Variants in CPNE4 observed in about 807,000 individuals in gnomAD.
CPNE4 encodes the protein copine 4, also known as copine-4.
CPNE4 carries 25 observed loss-of-function variants against 67.9 expected under a neutral mutation model. The ratio of observed to expected loss-of-function variants is 0.37; its 90% CI spans 0.27 to 0.51. The LOEUF (loss-of-function observed/expected upper bound fraction) is 0.51, where lower values mean the gene tolerates loss of function less well. Among genes scored for constraint, CPNE4 ranks in the 20% least tolerant of loss-of-function variants. The pLI is 0.93. For synonymous variants in CPNE4, 242 were observed against 244.9 expected (o/e 0.99, Z 0.11); for missense variants, 464 against 690.8 (o/e 0.67, Z 3.68).
intron 7 of CPNE4, among the ~76,000 whole-genome samples, chr3:131,664,055 C>T (rs11921084): frequency 0.02 from 2,987 of 152,234 alleles, 93 homozygotes; most frequent in African/African-American, 0.067. Flanking sequence ...GCTTGATGAA[C>T]TTTGTGTAGG....
At chr3:131,788,523 G>C (rs971241207) in intron 2 of CPNE4, among the ~76,000 whole-genome samples, 2 of 152,058 alleles carry the variant, frequency 1.3e-5, no homozygotes, top group East Asian at 3.9e-4. Context: ...CAAAGGTTGG[G>C]GAGATGGAAT....
At chr3:131,720,712 G>A (rs1332043926) in intron 3 of CPNE4, among the ~76,000 whole-genome samples, 1 of 152,178 alleles carries the variant, frequency 6.6e-6, no homozygotes, top group Non-Finnish European at 1.5e-5. Flanking sequence ...CCCCAGCAGA[G>A]TTAAGCTCCA....
At chr3:131,657,842 G>A (rs752742547) in intron 7 of CPNE4, among the ~76,000 whole-genome samples, 16 of 151,940 alleles carry the variant, frequency 1.1e-4, no homozygotes, top group Admixed American at 2.0e-4. Flanking sequence ...GGGATTACAG[G>A]CGTGAGATAC....
At chr3:131,856,722 T>A (rs1376818692) in intron 2 of CPNE4, among the ~76,000 whole-genome samples, 1 of 151,988 alleles carries the variant, frequency 6.6e-6, no homozygotes, top group Non-Finnish European at 1.5e-5. Flanking sequence ...TAAAAATTAT[T>A]AATATTTATT....
chr3:131,660,539 T>C (rs897375823), intron 7 of CPNE4, among the ~76,000 whole-genome samples: 1 of 152,216 alleles, frequency 6.6e-6, no homozygotes, highest in Admixed American at 6.6e-5. Context: ...TAGTGGCTAC[T>C]CTTTTGAAGA....
chr3:131,978,236 T>C (rs1211589303), intron 1 of CPNE4, among the ~76,000 whole-genome samples: 1 of 18,100 alleles, frequency 5.5e-5, no homozygotes, highest in Non-Finnish European at 7.9e-5. Context: ...TACATATTTA[T>C]ATATATTTAT....
At chr3:131,616,769 A>G (rs1940179243) in intron 7 of CPNE4, among the ~76,000 whole-genome samples, 1 of 152,230 alleles carries the variant, frequency 6.6e-6, no homozygotes, top group Admixed American at 6.5e-5. Context: ...ATAAAAATGC[A>G]AGGAATTAAA....
intron 2 of CPNE4, among the ~76,000 whole-genome samples, chr3:131,818,651 C>T (rs550065969): frequency 6.6e-6 from 1 of 152,258 alleles, no homozygotes; most frequent in African/African-American, 2.4e-5. Flanking sequence ...CTCTATCTTG[C>T]ATATTAAAGT....
chr3:131,580,647 A>G (rs1937767127), intron 9 of CPNE4, among the ~76,000 whole-genome samples: 1 of 152,106 alleles, frequency 6.6e-6, no homozygotes. Flanking sequence ...GAAAGTAGAC[A>G]TCTCAGGGTT....
chr3:131,864,046 T>C (rs1364656045), intron 2 of CPNE4, among the ~76,000 whole-genome samples: 1 of 152,098 alleles, frequency 6.6e-6, no homozygotes, highest in African/African-American at 2.4e-5. Flanking sequence ...GAGGGCTCTG[T>C]TCTGTTCCAT....
rs200380877 is a variant in CPNE4, at chr3:131,917,232, T to G, written c.-1-11788A>C. On this transcript the variant is annotated intron_variant, in intron 1 of 15. Transcript: ENST00000429747. The stretch of plus-strand genomic sequence containing the variant: ...CTTTATGTCCAATGTGTAATCATGT[T>G]TCTGCTAAAAGTTTCCAAGTGGGAT... 1.7e-4 allele frequency among the ~76,000 whole-genome samples: 26 copies of G among 152,344 alleles called. No individual in the cohort carries two copies. In the East Asian group the frequency reaches 3.9e-3, roughly 23 times the overall value.
chr3:131,676,717 CTT>C (rs962096838), intron 6 of CPNE4, among the ~76,000 whole-genome samples: 3 of 152,068 alleles, frequency 2.0e-5, no homozygotes, highest in Non-Finnish European at 2.9e-5. Flanking sequence ...TGATCTCATT[CTT>C]TTTTATGGCT....
At chr3:131,887,228 G>T (rs765181229) in intron 2 of CPNE4, among the ~76,000 whole-genome samples, 27 of 152,132 alleles carry the variant, frequency 1.8e-4, no homozygotes, top group Non-Finnish European at 3.2e-4. Context: ...TTTATCTAGG[G>T]TTTCTGCTTT....
At chr3:131,796,552 AT>A (rs1265784591) in intron 2 of CPNE4, among the ~76,000 whole-genome samples, 2 of 152,080 alleles carry the variant, frequency 1.3e-5, no homozygotes, top group Non-Finnish European at 2.9e-5. Context: ...AAATAAATAC[AT>A]TTTTTCTAAG....
chr3:131,626,433 G>C (rs868371510), intron 7 of CPNE4, among the ~76,000 whole-genome samples: 5 of 152,304 alleles, frequency 3.3e-5, no homozygotes, highest in Admixed American at 1.3e-4. Flanking sequence ...GAAAGTTTTA[G>C]TGGTTCGGAT....
In CPNE4 at chr3:131,555,527, C is replaced by T. The variant is rs1241609068; in HGVS notation, c.1086G>A (p.Gly362=). Residue 362 remains glycine, a synonymous_variant, in exon 12 of 16, where the codon GGG becomes GGA. Transcript: ENST00000429747. ...ACTCTGGAGGTATCCTGGCGCCAAACCCAAAGGCAGGGAACATTTTGTCAC... is the reference window on the plus strand; with the variant it reads ...ACTCTGGAGGTATCCTGGCGCCAAATCCAAAGGCAGGGAACATTTTGTCAC... The part of the protein sequence containing the change: ...YDSDKMFPAF[G]FGARIPPEYT... 5 of 1,612,668 alleles carry T rather than the reference C, an allele frequency of 3.1e-6. No individual in the cohort carries two copies. In the Middle Eastern group the frequency reaches 5.0e-4, roughly 160 times the overall value.
chr3:131,565,464 AG>A (rs1300755360), intron 10 of CPNE4, among the ~76,000 whole-genome samples: 1 of 152,010 alleles, frequency 6.6e-6, no homozygotes, highest in Non-Finnish European at 1.5e-5. Flanking sequence ...GGTTCTAGGA[AG>A]GTGCAACATT....
At chr3:131,885,581 T>G (rs935900902) in intron 2 of CPNE4, among the ~76,000 whole-genome samples, 1 of 152,214 alleles carries the variant, frequency 6.6e-6, no homozygotes, top group East Asian at 1.9e-4. Context: ...AGGGTACATG[T>G]GCACATTGTG....
chr3:131,892,025 T>A (rs2088138199), intron 2 of CPNE4, among the ~76,000 whole-genome samples: 1 of 152,046 alleles, frequency 6.6e-6, no homozygotes, highest in African/African-American at 2.4e-5. Context: ...GATAGGACCG[T>A]AGAGAGGGAG....
Sources: allele counts gnomAD v4.1 joint callset (sites outside exome capture counted in the v4.1 genomes callset), GRCh38; gene constraint gnomAD v4.1.1; transcripts MANE v1.5; gene names NCBI Gene and HGNC (gene_info 2026-07-23, HGNC 2026-07-21).